Variants in SHROOM2 observed in about 807,000 individuals in gnomAD.
SHROOM2 encodes the protein protein Shroom2.
SHROOM2 carries 33 observed loss-of-function variants against 75.9 expected under a neutral mutation model. That is an observed-to-expected ratio of 0.43 (90% confidence interval 0.33 to 0.58). The LOEUF (loss-of-function observed/expected upper bound fraction) is 0.58. Among genes scored for constraint, SHROOM2 ranks in the 20% least tolerant of loss-of-function variants. The pLI is 0.04. For missense variants in SHROOM2, 1,434 were observed against 1,461.2 expected, an observed-to-expected ratio of 0.98 and a Z score of 0.30; for synonymous variants, 655 against 663.6, an observed-to-expected ratio of 0.99 and a Z score of 0.20.
At chrX:9,946,060 T>C (rs2084815555) in intron 9 of SHROOM2, among the ~76,000 whole-genome samples, 1 of 112,819 alleles carries the variant, frequency 8.9e-6, no homozygotes, top group Admixed American at 9.3e-5. Flanking sequence ...GCTTAGTAAC[T>C]GTGTCGTGGA....
intron 1 of SHROOM2, among the ~76,000 whole-genome samples, chrX:9,851,130 T>C (rs1370781570): frequency 9.0e-6 from 1 of 111,601 alleles, no homozygotes; most frequent in Non-Finnish European, 1.9e-5. Flanking sequence ...CACCTCAGCC[T>C]TCTGTGTAGC....
Position 9,946,826 on chromosome X carries a change from G to C in SHROOM2, c.4740G>C (p.Lys1580Asn). ...TCGCGGACTATGAGCACTTCGTGAA[G>C]ATGAAGTCGGCCCTCATCATCGAGC... ...ESLADYEHFV[K>N]MKSALIIEQR... The change falls in exon 10 of 10, where the codon AAG becomes AAC. Residue 1580 changes from lysine (K) to asparagine (N), a missense_variant. Transcript: ENST00000380913. The C allele has an allele frequency of 8.3e-7, 1 of 1,201,735 alleles. No individual in the cohort carries two copies. The highest frequency in any genetic ancestry group is 1.1e-6 in the Non-Finnish European group (1 of 890,064).
intron 5 of SHROOM2, 59 bp downstream of exon 5, chrX:9,898,349 G>A (rs1052398202): frequency 3.2e-5 from 28 of 885,920 alleles, no homozygotes; most frequent in Middle Eastern, 2.9e-4. Context: ...GCTTCTGTAC[G>A]ATGGGTGGGT....
chrX:9,808,145 T>C (rs928843010), intron 1 of SHROOM2, among the ~76,000 whole-genome samples: 5 of 111,614 alleles, frequency 4.5e-5, no homozygotes, highest in African/African-American at 1.6e-4. Flanking sequence ...AATACGGTAG[T>C]ACTTCACCCT....
At chrX:9,943,913 G>T (rs2084793909) in intron 8 of SHROOM2, among the ~76,000 whole-genome samples, 1 of 109,978 alleles carries the variant, frequency 9.1e-6, no homozygotes, top group African/African-American at 3.3e-5. Context: ...CAGGCCCGGT[G>T]GCTCACACCT....
chrX:9,822,327 A>T lies in SHROOM2; in HGVS notation c.165+35617A>T, dbSNP rs1179434429. ...AGGGGGGAGGAGGCTGCAGTGGGGG[A>T]GGTGGGCAGGAGCCAGGGCCTTGCT... On this transcript the variant is annotated intron_variant, in intron 1 of 9. Coordinates refer to ENST00000380913, the MANE Select transcript of SHROOM2 (RefSeq NM_001649.4). 5.5e-5 allele frequency among the ~76,000 whole-genome samples: 6 copies of T among 108,942 alleles called. No individual in the cohort carries two copies. In the East Asian group the frequency reaches 1.7e-3, roughly 32 times the overall value. 94.6% of individuals were successfully genotyped at this position (108,942 alleles called of 115,157 possible).
In SHROOM2 at chrX:9,939,218, C is replaced by T. The variant is rs200112379; in HGVS notation, c.4163C>T (p.Ala1388Val). The change falls in exon 8 of 10, where the codon GCG (alanine) becomes GTG (valine). Residue 1388 changes from alanine to valine, a missense_variant. Physicochemically the swap from Ala to Val is moderately conservative, Grantham distance 64. Around this residue, in one of 3 missense-constraint regions of SHROOM2, gnomAD observed 1,340 missense variants for 1,338.3 expected, o/e 1.00. Transcript: ENST00000380913. ...EERKEEPSVP[A>V]AVSLATNSTY... ...AGGAAAGAGGAGCCCAGCGTGCCTG[C>T]GGCCGTGTCCCTGGCCACCAATTCT... 2.2e-4 allele frequency: 265 copies of T among 1,205,861 alleles called. 1 individual carries two copies. The Middle Eastern group carries it at 2.5e-3, about 12-fold the overall frequency.
Position 9,846,957 on chromosome X carries a change from T to G in SHROOM2, c.166-26695T>G, listed in dbSNP as rs980343308. Among the ~76,000 whole-genome samples, 5 of 111,971 alleles carry G rather than the reference T, an allele frequency of 4.5e-5. No individual in the cohort carries two copies. In the East Asian group the frequency reaches 1.4e-3, roughly 31 times the overall value. On this transcript the variant is annotated intron_variant, in intron 1 of 9. Transcript: ENST00000380913. ...GATGGCTATGAAGGTTTGAGACGAG[T>G]CTCATAGGTGAAATCTGGGCTCTAA...
In SHROOM2 at chrX:9,937,627, G is replaced by A. The variant is rs1456496289; in HGVS notation, c.4081G>A (p.Ala1361Thr). The A allele has an allele frequency of 1.2e-5, 14 of 1,207,759 alleles. No homozygotes were observed. The highest frequency in any genetic ancestry group is 2.2e-5 in the Admixed American group (1 of 45,554). ...CAAAGACGAGCACCTCCTGGAAGAA[G>A]CCCAGCAACGGAGGAAGCTGCTCCC... ...FPKDEHLLEE[A>T]QQRRKLLPKI... Residue 1361 changes from alanine to threonine, a missense_variant, in exon 7 of 10, where the codon GCC (alanine) becomes ACC (threonine). Transcript: ENST00000380913.
At chrX:9,867,484 CCA>C (rs1234920185) in intron 1 of SHROOM2, among the ~76,000 whole-genome samples, 2 of 111,498 alleles carry the variant, frequency 1.8e-5, no homozygotes, top group African/African-American at 6.5e-5. Flanking sequence ...CTCTGGCACT[CCA>C]CAGACATTAA....
At position 9,816,172 on chromosome X, in the gene SHROOM2, C is replaced by T. The variant is rs745589764; in HGVS notation, c.165+29462C>T. 3.6e-5 allele frequency among the ~76,000 whole-genome samples: 4 copies of T among 112,335 alleles called. No homozygotes were observed. In the South Asian group the frequency reaches 1.5e-3, roughly 42 times the overall value. On this transcript the variant is annotated intron_variant, in intron 1 of 9. Coordinates refer to ENST00000380913, the MANE Select transcript of SHROOM2 (RefSeq NM_001649.4). ...CTATGGGAATGGACTGCGTTTTGTT[C>T]ATATCCTTTGATGGACATGTGGGTG...
intron 5 of SHROOM2, among the ~76,000 whole-genome samples, chrX:9,914,309 A>G (rs1175646314): frequency 1.8e-5 from 2 of 109,240 alleles, no homozygotes; most frequent in African/African-American, 6.7e-5. Flanking sequence ...CTTGTTTTGC[A>G]TGGGCTGGCT....
chrX:9,792,127 A>G (rs778666105), intron 1 of SHROOM2, among the ~76,000 whole-genome samples: 1 of 22,940 alleles, frequency 4.4e-5, no homozygotes, highest in Non-Finnish European at 1.1e-4. Flanking sequence ...AATAGAATAG[A>G]ATAGAATAGA....
At chrX:9,867,070 C>T (rs919508710) in intron 1 of SHROOM2, among the ~76,000 whole-genome samples, 7 of 111,156 alleles carry the variant, frequency 6.3e-5, no homozygotes, top group African/African-American at 2.0e-4. Context: ...TGCCCTTGCC[C>T]TTATGGGACT....
Position 9,895,719 on chromosome X carries a change from A to G in SHROOM2, c.1811A>G (p.Asp604Gly), listed in dbSNP as rs754496964. 3 of 1,193,302 alleles carry G rather than the reference A, an allele frequency of 2.5e-6. No individual in the cohort carries two copies. In the East Asian group the frequency reaches 9.1e-5, roughly 36 times the overall value. Reference protein sequence around the residue: ...GKRRPESSPEDSATRPPPFDA... With the variant: ...GKRRPESSPEGSATRPPPFDA... Reference sequence around the variant, plus strand: ...CGCCGGCCTGAGAGCAGTCCAGAGGACAGCGCCACCAGACCGCCACCGTTC... The same window carrying G: ...CGCCGGCCTGAGAGCAGTCCAGAGGGCAGCGCCACCAGACCGCCACCGTTC... Residue 604 changes from aspartate to glycine, a missense_variant, in exon 4 of 10, where the codon GAC (aspartate) becomes GGC (glycine). Asp to Gly is a moderately conservative substitution (Grantham distance 94). This residue lies in a region of SHROOM2 where 1,340 missense variants were observed against 1,338.3 expected (regional missense o/e 1.00). Coordinates refer to ENST00000380913, the MANE Select transcript of SHROOM2 (RefSeq NM_001649.4).
chrX:9,798,160 G>A (rs6530318), intron 1 of SHROOM2, among the ~76,000 whole-genome samples: 35,989 of 109,794 alleles, frequency 0.33, 5,703 homozygotes, highest in Non-Finnish European at 0.49. Context: ...GGTACTGGCC[G>A]CCTACAAAGA....
chrX:9,946,298 C>T (rs1295816183), intron 9 of SHROOM2, among the ~76,000 whole-genome samples: 2 of 113,305 alleles, frequency 1.8e-5, no homozygotes, highest in East Asian at 2.8e-4. Flanking sequence ...CGGACCTTGA[C>T]GCCAAGAGGG....
intron 1 of SHROOM2, among the ~76,000 whole-genome samples, chrX:9,849,779 C>G (rs1191801854): frequency 8.9e-6 from 1 of 111,834 alleles, no homozygotes; most frequent in Non-Finnish European, 1.9e-5. Flanking sequence ...CAATCTCTTC[C>G]CTAGCTTGTA....
intron 1 of SHROOM2, among the ~76,000 whole-genome samples, chrX:9,816,018 C>T (rs1296631428): frequency 8.9e-6 from 1 of 112,287 alleles, no homozygotes; most frequent in African/African-American, 3.2e-5. Flanking sequence ...CTATTCTGGA[C>T]ATTTCATGTC....
Sources: allele counts gnomAD v4.1 joint callset (sites outside exome capture counted in the v4.1 genomes callset), GRCh38; gene constraint gnomAD v4.1.1; regional missense constraint gnomAD v4.1.1; transcripts MANE v1.5; gene names NCBI Gene and HGNC (gene_info 2026-07-23, HGNC 2026-07-21).